Variants in CLIP2 observed in about 807,000 individuals in gnomAD.
CLIP2 encodes CAP-Gly domain containing linker protein 2, also known as CAP-Gly domain-containing linker protein 2.
In CLIP2, 41 loss-of-function variants were observed where a neutral mutation model predicts 111.7. The ratio of observed to expected loss-of-function variants is 0.37; its 90% CI spans 0.29 to 0.48. CLIP2 has a LOEUF of 0.48. CLIP2 is among the 20% of genes least tolerant of loss of function. The pLI, the probability that CLIP2 is intolerant of heterozygous loss-of-function variation, is 0.99. For missense variants in CLIP2, 1,160 were observed against 1,422.1 expected (o/e 0.82, Z 2.96); for synonymous variants, 660 against 644.2 (o/e 1.02, Z -0.37).
At chr7:74,393,297 G>C (rs545271141) in intron 13 of CLIP2, among the ~76,000 whole-genome samples, 1 of 151,754 alleles carries the variant, frequency 6.6e-6, no homozygotes, top group African/African-American at 2.4e-5. Context: ...CAAAGTGCTG[G>C]GAGTACAGGC....
intron 16 of CLIP2, 58 bp from the exon 17 acceptor site, chr7:74,403,779 C>A: frequency 6.3e-7 from 1 of 1,599,546 alleles, no homozygotes; most frequent in Non-Finnish European, 8.6e-7. Context: ...CCCCTCTGGC[C>A]GCCTGGCCCT....
intron 1 of CLIP2, among the ~76,000 whole-genome samples, chr7:74,304,947 A>AAAAT (rs1352395316): frequency 6.6e-6 from 1 of 152,118 alleles, no homozygotes. Flanking sequence ...CCTGTCTCCA[A>AAAAT]AAATAAATAA....
intron 13 of CLIP2, among the ~76,000 whole-genome samples, chr7:74,395,049 C>T (rs577044674): frequency 6.6e-6 from 1 of 152,264 alleles, no homozygotes; most frequent in South Asian, 2.1e-4. Context: ...TTTCCCAGAG[C>T]CTGGCCTCAT....
intron 1 of CLIP2, among the ~76,000 whole-genome samples, chr7:74,315,137 G>A (rs1295507951): frequency 3.3e-5 from 5 of 152,100 alleles, no homozygotes; most frequent in South Asian, 2.1e-4. Flanking sequence ...TTAGCCGGGC[G>A]TGGTGACGGG....
At chr7:74,308,662 G>A (rs540561016) in intron 1 of CLIP2, among the ~76,000 whole-genome samples, 31 of 151,906 alleles carry the variant, frequency 2.0e-4, no homozygotes, top group African/African-American at 6.5e-4. Context: ...GTGCCACCAC[G>A]CCCAGCTAAT....
chr7:74,362,229 T>C (rs1172536783), intron 7 of CLIP2, among the ~76,000 whole-genome samples: 4 of 152,122 alleles, frequency 2.6e-5, no homozygotes, highest in Admixed American at 2.0e-4. Flanking sequence ...AAGCTGACAG[T>C]GGACAGAGGT....
Position 74,353,888 on chromosome 7 carries a change from G to A in CLIP2, c.687G>A (p.Gly229=), listed in dbSNP as rs1562705649. The stretch of plus-strand genomic sequence containing the variant: ...TCCCTGTGTGCCGACAGGTTGGCGG[G>A]ACGAAGACTGGCGTGGTGCGGTACG... The part of the protein sequence containing the change: ...LRLGDRVLVG[G]TKTGVVRYVG... Residue 229 remains glycine, a synonymous_variant, in exon 4 of 17, where the codon GGG becomes GGA. Transcript: ENST00000223398. The A allele has an allele frequency of 6.2e-7, 1 of 1,614,190 alleles. No homozygotes were observed. Among genetic ancestry groups the A allele is most frequent in the Non-Finnish European group, 8.5e-7 (1 of 1,180,026 alleles).
chr7:74,350,384 T>A (rs904821286), intron 3 of CLIP2, among the ~76,000 whole-genome samples: 5 of 151,956 alleles, frequency 3.3e-5, no homozygotes, highest in African/African-American at 1.2e-4. Context: ...GTATTTTATT[T>A]TTTATAGAGA....
Position 74,405,017 on chromosome 7 carries a change from A to T in CLIP2, c.*1169A>T, listed in dbSNP as rs1187208080. The stretch of plus-strand genomic sequence containing the variant: ...AGGCATTCAGGGGTGTGTTTGCCAC[A>T]TGGAGCATCCCTTCCTGGTCTTGCC... On this transcript the variant is annotated 3_prime_UTR_variant, in exon 17 of 17. Coordinates refer to ENST00000223398, the MANE Select transcript of CLIP2 (RefSeq NM_003388.5). 2.0e-5 allele frequency: 3 copies of T among 152,218 alleles called. No homozygotes were observed. The highest frequency in any genetic ancestry group is 4.4e-5 in the Non-Finnish European group (3 of 68,104). 9.4% of individuals were successfully genotyped at this position (152,218 alleles called of 1,614,324 possible). A position where few individuals can be genotyped will look rare whatever the true frequency, so the allele number is the denominator to read the frequency against.
intron 3 of CLIP2, among the ~76,000 whole-genome samples, chr7:74,340,996 A>G (rs1789644182): frequency 6.6e-6 from 1 of 152,072 alleles, no homozygotes; most frequent in Non-Finnish European, 1.5e-5. Context: ...TCCTGCTCTG[A>G]GAACCTGGCA....
At chr7:74,346,718 C>CAAAA (rs1214324954) in intron 3 of CLIP2, among the ~76,000 whole-genome samples, 2 of 56,020 alleles carry the variant, frequency 3.6e-5, no homozygotes, top group Admixed American at 2.1e-4. Context: ...GTAAGATTCT[C>CAAAA]AAAAAAAAAA....
chr7:74,341,277 T>A (rs1554305332), intron 3 of CLIP2, among the ~76,000 whole-genome samples: 2 of 152,080 alleles, frequency 1.3e-5, no homozygotes, highest in Admixed American at 1.3e-4. Context: ...AACCTCCACC[T>A]CCCAGGTTCA....
chr7:74,380,603 C>G, intron 10 of CLIP2: 1 of 468,418 alleles, frequency 2.1e-6, no homozygotes, highest in Non-Finnish European at 3.8e-6. Flanking sequence ...GAGCTGGGTG[C>G]AGAATGGGGG....
Position 74,338,416 on chromosome 7 carries a change from A to G in CLIP2, c.122-32A>G, listed in dbSNP as rs782027339. The G allele has an allele frequency of 7.5e-6, 12 of 1,600,260 alleles. No individual in the cohort carries two copies. The highest frequency in any genetic ancestry group is 1.0e-5 in the Non-Finnish European group (12 of 1,173,800). On this transcript the variant is annotated intron_variant, in intron 2 of 16. Transcript: ENST00000223398. This position sits in a 1 kb window ranked among gnomAD's most constrained non-coding sequence, Gnocchi z 4.3. Reference sequence around the variant, plus strand: ...CACCCAGGGGCCAGCCCTAACAGCCACCTCTTTCCCTTTCCCTCTCCTTCT... The same window carrying G: ...CACCCAGGGGCCAGCCCTAACAGCCGCCTCTTTCCCTTTCCCTCTCCTTCT...
intron 14 of CLIP2, among the ~76,000 whole-genome samples, chr7:74,397,981 A>G (rs1324579854): frequency 5.3e-5 from 8 of 150,762 alleles, no homozygotes; most frequent in Non-Finnish European, 1.0e-4. Context: ...TTTCTTTTCT[A>G]TTATGAATAG....
At chr7:74,382,258 ATTTTTT>A (rs1246167474) in intron 11 of CLIP2, among the ~76,000 whole-genome samples, 1 of 72,736 alleles carries the variant, frequency 1.4e-5, no homozygotes, top group African/African-American at 5.3e-5. Flanking sequence ...TAATTTTTGT[ATTTTTT>A]TTTTTAGTAG....
At chr7:74,326,283 C>T (rs1014013836) in intron 2 of CLIP2, among the ~76,000 whole-genome samples, 6 of 152,104 alleles carry the variant, frequency 3.9e-5, no homozygotes, top group South Asian at 2.1e-4. Context: ...GTCTCAGCTG[C>T]GTTGCCCAGG....
At chr7:74,321,482 T>A (rs962538479) in intron 2 of CLIP2, among the ~76,000 whole-genome samples, 8 of 152,006 alleles carry the variant, frequency 5.3e-5, no homozygotes, top group South Asian at 4.1e-4. Context: ...TATTATTATT[T>A]TTTTTGAGAT....
chr7:74,388,677 C>G (rs1791189174), intron 12 of CLIP2: 3 of 154,328 alleles, frequency 1.9e-5, no homozygotes, highest in Admixed American at 1.3e-4. Flanking sequence ...TGCCTGTAGT[C>G]CCAGCTACTT....
Sources: allele counts gnomAD v4.1 joint callset (sites outside exome capture counted in the v4.1 genomes callset), GRCh38; gene constraint gnomAD v4.1.1; non-coding constraint Gnocchi (gnomAD v3.1); transcripts MANE v1.5; gene names NCBI Gene and HGNC (gene_info 2026-07-23, HGNC 2026-07-21).